The following ARMC2 variants were observed in gnomAD, a reference collection of about 807,000 sequenced individuals.
ARMC2 encodes armadillo repeat containing 2.
ARMC2 carries 67 observed loss-of-function variants against 90.3 expected under a neutral mutation model. That is an observed-to-expected ratio of 0.74 (90% confidence interval 0.61 to 0.91). The LOEUF (loss-of-function observed/expected upper bound fraction) is 0.91. Among genes scored for constraint, ARMC2 ranks in the 40% least tolerant of loss-of-function variants. The probability of loss-of-function intolerance (pLI) is 0.00; values close to 1 mark genes in which losing one functional copy is unlikely to be tolerated. For synonymous variants in ARMC2, 393 were observed against 393.0 expected, an observed-to-expected ratio of 1.00 and a Z score of 0.00; for missense variants, 920 against 1,030.9, an observed-to-expected ratio of 0.89 and a Z score of 1.47.
intron 17 of ARMC2, 81 bp from the exon 18 acceptor site, chr6:108,973,276 A>T: frequency 7.9e-7 from 1 of 1,263,136 alleles, no homozygotes; most frequent in Non-Finnish European, 1.1e-6. Context: ...GGGTGAGTTT[A>T]ACTCATATCA....
the ARMC2 span, among the ~76,000 whole-genome samples, chr6:108,992,525 C>T: frequency 0.19 from 29,479 of 152,040 alleles, 3,525 homozygotes; most frequent in African/African-American, 0.33. Flanking sequence ...TTTGGGAACG[C>T]TGGGAGTATC....
the ARMC2 span, among the ~76,000 whole-genome samples, chr6:109,006,609 C>T: frequency 6.6e-6 from 1 of 152,072 alleles, no homozygotes; most frequent in Non-Finnish European, 1.5e-5. Context: ...TGGTATCTTT[C>T]ATTATTATTC....
At chr6:108,997,871 T>C in the ARMC2 span, among the ~76,000 whole-genome samples, 1 of 152,158 alleles carries the variant, frequency 6.6e-6, no homozygotes, top group African/African-American at 2.4e-5. Flanking sequence ...ATACAGGAAT[T>C]AAAATTTGCT....
intron 11 of ARMC2, among the ~76,000 whole-genome samples, chr6:108,931,593 T>C (rs1364817884): frequency 6.6e-6 from 1 of 151,974 alleles, no homozygotes; most frequent in African/African-American, 2.4e-5. Context: ...CTGTTATTTT[T>C]TGACTTTTTA....
chr6:108,992,631 G>A, the ARMC2 span, among the ~76,000 whole-genome samples: 7 of 152,176 alleles, frequency 4.6e-5, no homozygotes, highest in Non-Finnish European at 1.0e-4. Context: ...TTCCATGGAT[G>A]AATTAGAAAC....
chr6:108,967,390 G>C (rs761124640), intron 17 of ARMC2, among the ~76,000 whole-genome samples: 24 of 152,282 alleles, frequency 1.6e-4, no homozygotes, highest in African/African-American at 5.8e-4. Context: ...CTGCGGGGCC[G>C]GGGCCGTGTG....
chr6:108,953,227 G>T lies in ARMC2; in HGVS notation c.1791G>T (p.Pro597=). ...AGCAGCACAGGGCGCAGAGGCCGCC[G>T]TCAGAGGCAGAGGACGTGCTCATCA... The part of the protein sequence containing the change: ...RGEQHRAQRP[P]SEAEDVLIKL... Residue 597 remains proline, a synonymous_variant, in exon 13 of 18, where the codon CCG becomes CCT. Coordinates refer to ENST00000392644, the MANE Select transcript of ARMC2 (RefSeq NM_032131.6). 1 of 1,613,890 alleles carries T rather than the reference G, an allele frequency of 6.2e-7. No homozygotes were observed. The highest frequency in any genetic ancestry group is 8.5e-7 in the Non-Finnish European group (1 of 1,179,908).
intron 10 of ARMC2, among the ~76,000 whole-genome samples, chr6:108,916,102 C>T (rs565990799): frequency 6.6e-6 from 1 of 152,092 alleles, no homozygotes; most frequent in African/African-American, 2.4e-5. Context: ...CAGTGTTGAA[C>T]TTTGGAAGGT....
At chr6:108,948,307 T>G (rs956724998) in intron 12 of ARMC2, among the ~76,000 whole-genome samples, 1 of 152,004 alleles carries the variant, frequency 6.6e-6, no homozygotes, top group Non-Finnish European at 1.5e-5. Flanking sequence ...GGATTCCAGA[T>G]GAGTCAAGAC....
At chr6:109,024,388 G>T in the ARMC2 span, among the ~76,000 whole-genome samples, 1 of 152,110 alleles carries the variant, frequency 6.6e-6, no homozygotes, top group African/African-American at 2.4e-5. Context: ...GCAGAAATAA[G>T]AACTTGGATA....
the ARMC2 span, among the ~76,000 whole-genome samples, chr6:108,979,855 G>A: frequency 6.6e-6 from 1 of 151,706 alleles, no homozygotes; most frequent in Non-Finnish European, 1.5e-5. Context: ...GGTCGTTCAT[G>A]TTCTTCTATA....
At chr6:108,914,630 G>C (rs1186944401) in intron 10 of ARMC2, among the ~76,000 whole-genome samples, 1 of 152,180 alleles carries the variant, frequency 6.6e-6, no homozygotes, top group Non-Finnish European at 1.5e-5. Flanking sequence ...TGTATCAACT[G>C]TATCACTGTT....
At chr6:109,000,359 G>A in the ARMC2 span, 1 of 564,624 alleles carries the variant, frequency 1.8e-6, no homozygotes, top group Non-Finnish European at 2.9e-6. Context: ...AAGAAAATGT[G>A]CATCTGTGGG....
chr6:109,033,796 T>C, the ARMC2 span, among the ~76,000 whole-genome samples: 2 of 152,168 alleles, frequency 1.3e-5, no homozygotes, highest in Admixed American at 1.3e-4. Flanking sequence ...AGAAGAAATA[T>C]TTATAATAAA....
the ARMC2 span, among the ~76,000 whole-genome samples, chr6:108,989,536 TAG>T: frequency 1.9e-5 from 2 of 103,834 alleles, no homozygotes; most frequent in Admixed American, 8.5e-5. Context: ...TCTATAGAGA[TAG>T]AGATATCTCT....
At chr6:109,039,969 T>G in the ARMC2 span, among the ~76,000 whole-genome samples, 1 of 152,218 alleles carries the variant, frequency 6.6e-6, no homozygotes, top group Non-Finnish European at 1.5e-5. Context: ...TTCACAAATG[T>G]GTATGTACCA....
chr6:108,904,977 A>G (rs1448080816), intron 8 of ARMC2, among the ~76,000 whole-genome samples: 1 of 152,236 alleles, frequency 6.6e-6, no homozygotes, highest in Non-Finnish European at 1.5e-5. Flanking sequence ...CACCAAAAAA[A>G]AAGTCTGTAG....
chr6:108,888,258 A>G (rs929094328), intron 5 of ARMC2, among the ~76,000 whole-genome samples: 5 of 152,178 alleles, frequency 3.3e-5, no homozygotes, highest in African/African-American at 4.8e-5. Context: ...ATAATAGTAA[A>G]CATGTATTAG....
At chr6:108,910,575 AG>A (rs1773315316) in intron 8 of ARMC2, among the ~76,000 whole-genome samples, 1 of 152,232 alleles carries the variant, frequency 6.6e-6, no homozygotes, top group African/African-American at 2.4e-5. Context: ...CCCCACTGCC[AG>A]GTATATACTC....
Sources: gnomAD v4.1 joint callset for allele counts (sites outside exome capture counted in the v4.1 genomes callset) on GRCh38, gnomAD v4.1.1 for gene constraint, MANE v1.5 for transcripts, NCBI Gene and HGNC (gene_info 2026-07-23, HGNC 2026-07-21) for gene names.